Variants in GBA2 observed in about 807,000 individuals in gnomAD.
GBA2 encodes non-lysosomal glucosylceramidase.
GBA2 carries 79 observed loss-of-function variants against 112.9 expected under a neutral mutation model. The ratio of observed to expected loss-of-function variants is 0.70; its 90% CI spans 0.58 to 0.84. The LOEUF (loss-of-function observed/expected upper bound fraction) is 0.84, where lower values mean the gene tolerates loss of function less well. GBA2 is among the 40% of genes least tolerant of loss of function. The pLI is 0.00. For missense variants in GBA2, 1,043 were observed against 1,190.0 expected (o/e 0.88, Z 1.82); for synonymous variants, 403 against 434.3 (o/e 0.93, Z 0.90).
chr9:35,740,240 T>C lies in GBA2; in HGVS notation c.1252A>G (p.Met418Val). The C allele has an allele frequency of 6.2e-7, 1 of 1,614,138 alleles. No homozygotes were observed. Among genetic ancestry groups the C allele is most frequent in the Non-Finnish European group, 8.5e-7 (1 of 1,180,014 alleles). ...FSLAWDMPRI[M>V]FGAKGQVHYR... ...TGGACTTGGCCTTTAGCTCCAAACA[T>C]GATCCTGGGCATGTCCCAAGCCAGT... Residue 418 changes from methionine to valine, a missense_variant, in exon 7 of 17, where the codon ATG becomes GTG. Physicochemically the swap from Met to Val is conservative, Grantham distance 21. Coordinates refer to ENST00000378103, the MANE Select transcript of GBA2 (RefSeq NM_020944.3). This position sits in a 1 kb window ranked among gnomAD's most constrained non-coding sequence, Gnocchi z 4.7.
intron 10 of GBA2, 28 bp downstream of exon 10, chr9:35,739,287 G>A: frequency 6.9e-7 from 1 of 1,454,070 alleles, no homozygotes; most frequent in Non-Finnish European, 9.7e-7. Context: ...AGCCAAGAGG[G>A]CAGAAGCGGC....
Position 35,737,106 on chromosome 9 carries a change from G to T in GBA2, c.*63C>A. On this transcript the variant is annotated 3_prime_UTR_variant, in exon 17 of 17. Coordinates refer to ENST00000378103, the MANE Select transcript of GBA2 (RefSeq NM_020944.3). This position sits in a 1 kb window ranked among gnomAD's most constrained non-coding sequence, Gnocchi z 4.1. ...TCAGGGTTGCAGGAGGTTCAGAGGGGAAGGAGGAAAGGCCAGGCTGGAGGC... is the reference window on the plus strand; with the variant it reads ...TCAGGGTTGCAGGAGGTTCAGAGGGTAAGGAGGAAAGGCCAGGCTGGAGGC... 2 of 1,556,280 alleles carry T rather than the reference G, an allele frequency of 1.3e-6. No individual in the cohort carries two copies. Among genetic ancestry groups the T allele is most frequent in the Non-Finnish European group, 1.7e-6 (2 of 1,156,844 alleles).
chr9:35,741,339 T>C lies in GBA2; in HGVS notation c.787-275A>G. 2.0e-6 allele frequency: 1 copy of C among 506,036 alleles called. No individual in the cohort carries two copies. Among genetic ancestry groups the C allele is most frequent in the Non-Finnish European group, 3.5e-6 (1 of 286,088 alleles). The allele number at this position is 506,036 out of a possible 1,614,324, so 31.3% of individuals were successfully genotyped here. On this transcript the variant is annotated intron_variant, in intron 4 of 16. Coordinates refer to ENST00000378103, the MANE Select transcript of GBA2 (RefSeq NM_020944.3). This position sits in a 1 kb window ranked among gnomAD's most constrained non-coding sequence, Gnocchi z 4.6. ...CCATGCAGTTTCTTTTTTTTTTTTT[T>C]TGGGGGGTGCGGTGGCGCAATCTCG...
chr9:35,740,452 C>T lies in GBA2; in HGVS notation c.1129+74G>A, dbSNP rs1826588107. On this transcript the variant is annotated intron_variant, in intron 6 of 16. Transcript: ENST00000378103. The surrounding 1 kb of genome is among the most constrained non-coding windows in gnomAD (Gnocchi z 4.7). Reference sequence around the variant, plus strand: ...CATGGAAACAAGGCCTACTTATTACCAGGCCTCCCACCCCTGGTCCCAAGA... The same window carrying T: ...CATGGAAACAAGGCCTACTTATTACTAGGCCTCCCACCCCTGGTCCCAAGA... The T allele has an allele frequency of 1.3e-6, 2 of 1,560,698 alleles. No individual in the cohort carries two copies. Among genetic ancestry groups the T allele is most frequent in the Non-Finnish European group, 1.8e-6 (2 of 1,136,094 alleles).
chr9:35,748,297 C>A, intron 1 of GBA2, 49 bp downstream of exon 1: 5 of 1,188,374 alleles, frequency 4.2e-6, no homozygotes, highest in South Asian at 1.4e-5. Flanking sequence ...AAGTTTTGAG[C>A]TGGAACAAAG....
At chr9:35,739,269 G>T (rs774410024) in intron 10 of GBA2, 46 bp downstream of exon 10, 5 of 1,292,300 alleles carry the variant, frequency 3.9e-6, no homozygotes, top group Non-Finnish European at 5.6e-6. Flanking sequence ...AAGTTCGGGG[G>T]TATGGGGAGC....
intron 12 of GBA2, 54 bp downstream of exon 12, chr9:35,738,698 C>T: frequency 6.2e-7 from 1 of 1,606,170 alleles, no homozygotes. Flanking sequence ...CTAGGCTCTT[C>T]CCAGACACCA....
Position 35,740,436 on chromosome 9 carries a change from A to AGGAGCCCCTTCAGCCCC in GBA2, c.1130-75_1130-74insGGGGCTGAAGGGGCTCC. The AGGAGCCCCTTCAGCCCC allele has an allele frequency of 6.3e-7, 1 of 1,581,458 alleles. No individual in the cohort carries two copies. The highest frequency in any genetic ancestry group is 8.7e-7 in the Non-Finnish European group (1 of 1,154,908). On this transcript the variant is annotated intron_variant, in intron 6 of 16. Coordinates refer to ENST00000378103, the MANE Select transcript of GBA2 (RefSeq NM_020944.3). The surrounding 1 kb of genome is among the most constrained non-coding windows in gnomAD (Gnocchi z 4.7). ...GGATAGGGATCCCTAACATGGAAAC[A>AGGAGCCCCTTCAGCCCC]AGGCCTACTTATTACCAGGCCTCCC...
At chr9:35,747,034 C>T (rs551658769) in intron 1 of GBA2, among the ~76,000 whole-genome samples, 13 of 152,212 alleles carry the variant, frequency 8.5e-5, no homozygotes, top group Admixed American at 3.3e-4. Context: ...CCTATTTGGC[C>T]TTCTCCACAA....
chr9:35,739,669 C>T lies in GBA2; in HGVS notation c.1541G>A (p.Arg514His), dbSNP rs148982744. The T allele has an allele frequency of 3.5e-5, 57 of 1,613,950 alleles. No individual in the cohort carries two copies. The highest frequency in any genetic ancestry group is 4.5e-5 in the East Asian group (2 of 44,884). The change falls in exon 9 of 17, where the codon CGC (arginine) becomes CAC (histidine). Residue 514 changes from arginine (R) to histidine (H), a missense_variant. Arg to His is a conservative substitution (Grantham distance 29). Coordinates refer to ENST00000378103, the MANE Select transcript of GBA2 (RefSeq NM_020944.3). ...EELGRNMCHL[R>H]PTLRDYGRFG... ...TCGACCGTAGTCCCGTAGGGTGGGG[C>T]GGAGGTGACACATGTTTCTGCCCAG...
At position 35,737,640 on chromosome 9, in the gene GBA2, T is replaced by C. The variant is rs770036499; in HGVS notation, c.2505+108A>G. On this transcript the variant is annotated intron_variant, in intron 16 of 16. Transcript: ENST00000378103. The surrounding 1 kb of genome is among the most constrained non-coding windows in gnomAD (Gnocchi z 4.1). Reference sequence around the variant, plus strand: ...TACCAGGGAAAAATGGGAGGCTTTATAGACGGACAAGATGGCATTGGGTTA... The same window carrying C: ...TACCAGGGAAAAATGGGAGGCTTTACAGACGGACAAGATGGCATTGGGTTA... 10 of 1,601,436 alleles carry C rather than the reference T, an allele frequency of 6.2e-6. No individual in the cohort carries two copies. The highest frequency in any genetic ancestry group is 5.4e-5 in the African/African-American group (4 of 74,754).
Position 35,737,240 on chromosome 9 carries a change from G to A in GBA2, c.2713C>T (p.Gln905Ter), listed in dbSNP as rs765980132. The change falls in exon 17 of 17, where the codon CAG (glutamine) becomes TAG (stop). Residue 905 changes from glutamine (Q) to a stop codon, truncating the protein, a stop_gained. Coordinates refer to ENST00000378103, the MANE Select transcript of GBA2 (RefSeq NM_020944.3). LOFTEE classifies it high-confidence loss of function. This position sits in a 1 kb window ranked among gnomAD's most constrained non-coding sequence, Gnocchi z 4.1. ...HKKASWPKVKQGTGLRTGPMF... is the reference protein window; with the variant it reads ...HKKASWPKVK ...GGCCCTGTCCTTAGTCCTGTGCCCT[G>A]TTTGACTTTTGGCCAGGAGGCCTTT... 6.2e-6 allele frequency: 10 copies of A among 1,613,792 alleles called. No homozygotes were observed. Among genetic ancestry groups the A allele is most frequent in the South Asian group, 1.1e-5 (1 of 91,092 alleles).
rs993808206 is a variant in GBA2 at position 35,738,571 on chromosome 9, C to T, written c.2009G>A (p.Gly670Asp). The change falls in exon 13 of 17, where the codon GGC (glycine) becomes GAC (aspartate). Residue 670 changes from glycine to aspartate, a missense_variant. Transcript: ENST00000378103. Reference sequence around the variant, plus strand: ...TCCATCATAGGTCTGGTCTGCATAGCCTCCATTTTCAATGAGTCCATCATG... The same window carrying T: ...TCCATCATAGGTCTGGTCTGCATAGTCTCCATTTTCAATGAGTCCATCATG... ...KDHDGLIENGGYADQTYDGWV... is the reference protein window; with the variant it reads ...KDHDGLIENGDYADQTYDGWV... 5 of 1,613,930 alleles carry T rather than the reference C, an allele frequency of 3.1e-6. No homozygotes were observed. Among genetic ancestry groups the T allele is most frequent in the Non-Finnish European group, 4.2e-6 (5 of 1,179,810 alleles).
Position 35,737,587 on chromosome 9 carries a change from G to A in GBA2, c.2506-140C>T. On this transcript the variant is annotated intron_variant, in intron 16 of 16. Transcript: ENST00000378103. The surrounding 1 kb of genome is among the most constrained non-coding windows in gnomAD (Gnocchi z 4.1). ...AGGAGATAACTATGACCCACAGACAGAAGCCTGAAGGCAGGAGCTGGAATG... is the reference window on the plus strand; with the variant it reads ...AGGAGATAACTATGACCCACAGACAAAAGCCTGAAGGCAGGAGCTGGAATG... 6.4e-7 allele frequency: 1 copy of A among 1,560,518 alleles called. No individual in the cohort carries two copies. The highest frequency in any genetic ancestry group is 2.4e-5 in the East Asian group (1 of 41,538).
At position 35,740,651 on chromosome 9, in the gene GBA2, G is replaced by A; in HGVS notation, c.1027-23C>T. Reference sequence around the variant, plus strand: ...TGCCTGTGAAGGGGTCAGGGACTGTGAGGGCAGGCTCCACGAGTACACTGG... The same window carrying A: ...TGCCTGTGAAGGGGTCAGGGACTGTAAGGGCAGGCTCCACGAGTACACTGG... On this transcript the variant is annotated intron_variant, in intron 5 of 16. Transcript: ENST00000378103. This position sits in a 1 kb window ranked among gnomAD's most constrained non-coding sequence, Gnocchi z 4.7. The A allele has an allele frequency of 1.3e-6, 2 of 1,582,942 alleles. No homozygotes were observed. The highest frequency in any genetic ancestry group is 1.7e-6 in the Non-Finnish European group (2 of 1,151,850).
chr9:35,744,499 T>C, intron 2 of GBA2, 87 bp from the exon 3 acceptor site: 1 of 1,074,822 alleles, frequency 9.3e-7, no homozygotes, highest in Non-Finnish European at 1.4e-6. Context: ...CTGGTTCCTC[T>C]GAAAACCTAG....
Position 35,740,426 on chromosome 9 carries a change from A to T in GBA2, c.1130-64T>A. Reference sequence around the variant, plus strand: ...TCAGCCCCAGGGATAGGGATCCCTAACATGGAAACAAGGCCTACTTATTAC... The same window carrying T: ...TCAGCCCCAGGGATAGGGATCCCTATCATGGAAACAAGGCCTACTTATTAC... On this transcript the variant is annotated intron_variant, in intron 6 of 16. Transcript: ENST00000378103. The surrounding 1 kb of genome is among the most constrained non-coding windows in gnomAD (Gnocchi z 4.7). 6 of 1,587,600 alleles carry T rather than the reference A, an allele frequency of 3.8e-6. No homozygotes were observed. Among genetic ancestry groups the T allele is most frequent in the Non-Finnish European group, 5.2e-6 (6 of 1,160,214 alleles).
rs957036184 is a variant in GBA2 at position 35,740,104 on chromosome 9, C to A, written c.1303G>T (p.Gly435Cys). 4 of 1,614,094 alleles carry A rather than the reference C, an allele frequency of 2.5e-6. No homozygotes were observed. Among genetic ancestry groups the A allele is most frequent in the Non-Finnish European group, 3.4e-6 (4 of 1,180,000 alleles). Residue 435 changes from glycine to cysteine, a missense_variant, in exon 8 of 17, where the codon GGC (glycine) becomes TGC (cysteine). Gly to Cys is a radical substitution (Grantham distance 159). Transcript: ENST00000378103. This position sits in a 1 kb window ranked among gnomAD's most constrained non-coding sequence, Gnocchi z 4.7. ...GCAGGTGCTGCATCTCCATCCTGGC[C>A]AAAGAACCTTGTATACCGCCTGGGG... ...VHYRRYTRFF[G>C]QDGDAAPALS...
At chr9:35,738,181 T>A (rs748186665) in intron 14 of GBA2, 29 bp from the exon 15 acceptor site, 1 of 1,612,870 alleles carries the variant, frequency 6.2e-7, no homozygotes, top group South Asian at 1.1e-5. Context: ...AAAATAAGGC[T>A]CCTGGTGTCC....
Sources: gnomAD v4.1 joint callset for allele counts (sites outside exome capture counted in the v4.1 genomes callset) on GRCh38, gnomAD v4.1.1 for gene constraint, Gnocchi (gnomAD v3.1) non-coding constraint, MANE v1.5 for transcripts, NCBI Gene and HGNC (gene_info 2026-07-23, HGNC 2026-07-21) for gene names.